The following WDR59 variants were observed in gnomAD, a reference collection of about 807,000 sequenced individuals.
WDR59 encodes the protein GATOR2 complex protein WDR59.
A neutral mutation model predicts 131.2 loss-of-function variants in WDR59; 100 were observed. The ratio of observed to expected loss-of-function variants is 0.76; its 90% confidence interval spans 0.65 to 0.90. The LOEUF is 0.90. Among genes scored for constraint, WDR59 ranks in the 40% least tolerant of loss-of-function variants. WDR59 has a pLI of 0.00. For missense variants in WDR59, 1,203 were observed against 1,262.2 expected, an observed-to-expected ratio of 0.95 and a Z score of 0.71; for synonymous variants, 601 against 466.2, an observed-to-expected ratio of 1.29 and a Z score of -3.72.
At position 74,880,109 on chromosome 16, in the gene WDR59, G is replaced by C. The variant is rs529956475; in HGVS notation, c.2689+5544C>G. The stretch of plus-strand genomic sequence containing the variant: ...ATGGATAGATCAGATTTACAGCCAA[G>C]GTCATGCCCAAAATGTCACATTTAG... On this transcript the variant is annotated intron_variant, in intron 25 of 25. Coordinates refer to ENST00000262144, the MANE Select transcript of WDR59 (RefSeq NM_030581.4). 1.3e-4 allele frequency among the ~76,000 whole-genome samples: 20 copies of C among 152,244 alleles called. No individual in the cohort carries two copies. The East Asian group carries it at 3.3e-3, about 25-fold the overall frequency.
At chr16:74,929,367 G>A (rs1011036745) in intron 8 of WDR59, among the ~76,000 whole-genome samples, 9 of 152,034 alleles carry the variant, frequency 5.9e-5, no homozygotes, top group Non-Finnish European at 1.3e-4. Flanking sequence ...GAGCCACTGC[G>A]CCCGGCTGAA....
intron 25 of WDR59, among the ~76,000 whole-genome samples, chr16:74,883,209 G>C (rs1964594907): frequency 6.6e-6 from 1 of 151,734 alleles, no homozygotes; most frequent in Non-Finnish European, 1.5e-5. Flanking sequence ...ATTTTTAGTA[G>C]AGATGGGGTT....
intron 19 of WDR59, 145 bp from the exon 20 acceptor site, chr16:74,892,710 C>G: frequency 1.6e-6 from 1 of 642,894 alleles, no homozygotes; most frequent in Non-Finnish European, 2.6e-6. Context: ...GGCCCCCTTT[C>G]TATCTGACTC....
chr16:74,945,738 T>A (rs1376566200), intron 6 of WDR59, among the ~76,000 whole-genome samples: 3 of 151,954 alleles, frequency 2.0e-5, no homozygotes, highest in Non-Finnish European at 4.4e-5. Flanking sequence ...CGGGTCCACC[T>A]TCTACAGTGT....
At chr16:74,901,103 C>T (rs1965526811) in intron 18 of WDR59, among the ~76,000 whole-genome samples, 1 of 151,370 alleles carries the variant, frequency 6.6e-6, no homozygotes, top group African/African-American at 2.4e-5. Flanking sequence ...TGTCTCAAAA[C>T]AAAAAACAAA....
intron 20 of WDR59, 67 bp downstream of exon 20, chr16:74,892,417 T>A: frequency 7.6e-7 from 1 of 1,319,448 alleles, no homozygotes; most frequent in Admixed American, 1.9e-5. Flanking sequence ...TAAATGCCAA[T>A]GACAAAGTAA....
chr16:74,894,620 A>T (rs1965202022), intron 18 of WDR59, among the ~76,000 whole-genome samples: 1 of 152,194 alleles, frequency 6.6e-6, no homozygotes, highest in Non-Finnish European at 1.5e-5. Flanking sequence ...CACCAAAGTG[A>T]TTCAACTAAG....
chr16:74,950,060 G>A (rs780522662), intron 4 of WDR59: 2 of 495,102 alleles, frequency 4.0e-6, no homozygotes, highest in African/African-American at 1.9e-5. Flanking sequence ...TCTCTCTCTG[G>A]GCTGAGCGCA....
At chr16:74,913,207 C>T (rs1966193968) in intron 13 of WDR59, among the ~76,000 whole-genome samples, 1 of 151,374 alleles carries the variant, frequency 6.6e-6, no homozygotes, top group Admixed American at 6.6e-5. Context: ...CAAAGACAAA[C>T]AACACAGAGG....
intron 10 of WDR59, among the ~76,000 whole-genome samples, chr16:74,920,068 CAAAAAA>C (rs71378717): frequency 8.3e-6 from 1 of 120,906 alleles, no homozygotes. Context: ...GACCCTATCT[CAAAAAA>C]AAAAAAAAAA....
chr16:74,953,075 G>A (rs1173417867), intron 3 of WDR59, among the ~76,000 whole-genome samples: 1 of 152,084 alleles, frequency 6.6e-6, no homozygotes, highest in Non-Finnish European at 1.5e-5. Flanking sequence ...CATTATAGAT[G>A]AGGCAAGCAA....
At chr16:74,874,893 T>G (rs1242806033) in intron 25 of WDR59, among the ~76,000 whole-genome samples, 2 of 145,920 alleles carry the variant, frequency 1.4e-5, no homozygotes, top group African/African-American at 5.5e-5. Context: ...GCCCAGCCTG[T>G]TTTTTTTTGT....
rs145902791 is a variant in WDR59 at position 74,921,125 on chromosome 16, A to C, written c.886+822T>G. 2.6e-5 allele frequency among the ~76,000 whole-genome samples: 4 copies of C among 152,162 alleles called. No individual in the cohort carries two copies. The East Asian group carries it at 7.7e-4, about 29-fold the overall frequency. The stretch of plus-strand genomic sequence containing the variant: ...ACTTTCATTTTAGCTTCAGGGGTTC[A>C]TGTGCAGGTTTGTTACAAAGGCAAA... On this transcript the variant is annotated intron_variant, in intron 10 of 25. Coordinates refer to ENST00000262144, the MANE Select transcript of WDR59 (RefSeq NM_030581.4).
At chr16:74,953,722 C>T (rs1429606776) in intron 3 of WDR59, among the ~76,000 whole-genome samples, 1 of 147,834 alleles carries the variant, frequency 6.8e-6, no homozygotes, top group East Asian at 2.1e-4. Flanking sequence ...AGAGGCAAGG[C>T]CGGGCGTGGT....
intron 9 of WDR59, 21 bp from the exon 10 acceptor site, chr16:74,922,124 G>C: frequency 1.2e-6 from 2 of 1,613,674 alleles, no homozygotes; most frequent in South Asian, 2.2e-5. Flanking sequence ...GAAGGGAAAA[G>C]CAGGTGATTA....
At chr16:74,971,732 C>A (rs1453135277) in intron 1 of WDR59, among the ~76,000 whole-genome samples, 2 of 151,916 alleles carry the variant, frequency 1.3e-5, no homozygotes, top group Non-Finnish European at 2.9e-5. Flanking sequence ...AGCACCCAGC[C>A]TCTAAGAAAG....
Position 74,915,938 on chromosome 16 carries a change from C to G in WDR59, c.1156G>C (p.Gly386Arg). The G allele has an allele frequency of 6.2e-7, 1 of 1,614,150 alleles. No individual in the cohort carries two copies. The highest frequency in any genetic ancestry group is 8.5e-7 in the Non-Finnish European group (1 of 1,180,012). ...LLEERKSDQL[G>R]LPQTLQQEFS... is the part of the protein sequence containing the mutation. Reference sequence around the variant, plus strand: ...TCCTGCTGCAAGGTCTGAGGCAGCCCCAGTTGATCTGATTTCCTCTCTTCC... The same window carrying G: ...TCCTGCTGCAAGGTCTGAGGCAGCCGCAGTTGATCTGATTTCCTCTCTTCC... The change falls in exon 13 of 26, where the codon GGG becomes CGG. Residue 386 changes from glycine to arginine, a missense_variant. Transcript: ENST00000262144.
At chr16:74,983,485 A>G (rs1334577947) in intron 1 of WDR59, among the ~76,000 whole-genome samples, 1 of 152,056 alleles carries the variant, frequency 6.6e-6, no homozygotes, top group East Asian at 1.9e-4. Context: ...AAAAAAAGGT[A>G]AATAAATTTA....
rs1251098190 is a variant in WDR59 at position 74,952,371 on chromosome 16, G to C, written c.241-828C>G. Among the ~76,000 whole-genome samples, 10 of 150,320 alleles carry C rather than the reference G, an allele frequency of 6.7e-5. 1 individual carries two copies. Among genetic ancestry groups the C allele is most frequent in the Non-Finnish European group, 8.9e-5 (6 of 67,772 alleles). On this transcript the variant is annotated intron_variant, in intron 3 of 25. Coordinates refer to ENST00000262144, the MANE Select transcript of WDR59 (RefSeq NM_030581.4). ...GTGGGAGGATCGCTTGAGCCTGGGA[G>C]GTCGAGGCAATAGTAAGCTGTGATT... is the stretch of plus-strand genomic sequence containing the variant.
Sources: allele counts gnomAD v4.1 joint callset (sites outside exome capture counted in the v4.1 genomes callset), GRCh38; gene constraint gnomAD v4.1.1; transcripts MANE v1.5; gene names NCBI Gene and HGNC (gene_info 2026-07-23, HGNC 2026-07-21).